The following ATP9A variants were observed in gnomAD, a reference collection of about 807,000 sequenced individuals.
The protein encoded by ATP9A is ATPase phospholipid transporting 9A, also known as probable phospholipid-transporting ATPase IIA.
In ATP9A, 52 loss-of-function variants were observed where a neutral mutation model predicts 144.1. That is an observed-to-expected ratio of 0.36 (90% CI 0.29 to 0.45). ATP9A has a LOEUF of 0.45. Among genes scored for constraint, ATP9A ranks in the 20% least tolerant of loss-of-function variants. The pLI is 1.00. For missense variants in ATP9A, 947 were observed against 1,392.7 expected, an observed-to-expected ratio of 0.68 and a Z score of 5.09; for synonymous variants, 582 against 557.4, an observed-to-expected ratio of 1.04 and a Z score of -0.62.
chr20:51,715,094 AC>A (rs993859353), intron 3 of ATP9A, among the ~76,000 whole-genome samples: 2 of 152,198 alleles, frequency 1.3e-5, no homozygotes, highest in Non-Finnish European at 2.9e-5. Flanking sequence ...AGTCAGCATA[AC>A]CACCCAAGGG....
intron 1 of ATP9A, among the ~76,000 whole-genome samples, chr20:51,740,845 G>C (rs2077781884): frequency 6.6e-6 from 1 of 151,822 alleles, no homozygotes; most frequent in African/African-American, 2.4e-5. Flanking sequence ...AAAGTGCTGG[G>C]ATTACAGATG....
intron 1 of ATP9A, among the ~76,000 whole-genome samples, chr20:51,736,492 ATTTT>A (rs60253299): frequency 7.0e-6 from 1 of 143,572 alleles, no homozygotes; most frequent in Non-Finnish European, 1.5e-5. Flanking sequence ...AGTTACTCTT[ATTTT>A]TTTTTTTGTC....
intron 13 of ATP9A, among the ~76,000 whole-genome samples, chr20:51,663,126 G>A (rs113114688): frequency 0.035 from 5,296 of 152,090 alleles, 116 homozygotes; most frequent in Non-Finnish European, 0.053. Flanking sequence ...AAAGAATGCC[G>A]TACAGCCCAG....
At chr20:51,680,127 G>A (rs939493352) in intron 9 of ATP9A, among the ~76,000 whole-genome samples, 4 of 151,666 alleles carry the variant, frequency 2.6e-5, no homozygotes, top group Non-Finnish European at 5.9e-5. Flanking sequence ...CTACTGGGGA[G>A]GCCGACGCAG....
At chr20:51,686,623 AT>A (rs2077524291) in intron 9 of ATP9A, among the ~76,000 whole-genome samples, 1 of 152,218 alleles carries the variant, frequency 6.6e-6, no homozygotes, top group Non-Finnish European at 1.5e-5. Context: ...ATTCAACTAT[AT>A]TTGCAATTAA....
chr20:51,752,232 G>C (rs541184679), intron 1 of ATP9A, among the ~76,000 whole-genome samples: 1 of 152,208 alleles, frequency 6.6e-6, no homozygotes, highest in East Asian at 1.9e-4. Context: ...CTAAGCCTCC[G>C]TTTCCTGGAA....
intron 13 of ATP9A, among the ~76,000 whole-genome samples, chr20:51,659,382 A>T (rs2077402178): frequency 6.6e-6 from 1 of 152,254 alleles, no homozygotes; most frequent in South Asian, 2.1e-4. Flanking sequence ...AGTGTCTGGT[A>T]TGTAACAGAT....
chr20:51,667,437 G>A (rs1262843413), intron 13 of ATP9A, among the ~76,000 whole-genome samples: 1 of 152,188 alleles, frequency 6.6e-6, no homozygotes, highest in Non-Finnish European at 1.5e-5. Flanking sequence ...TGATATGCAT[G>A]ACAATCCAAT....
chr20:51,604,993 A>G lies in ATP9A; in HGVS notation c.2831T>C (p.Leu944Pro), dbSNP rs2122704898. ...QGSTIMYGAL[L>P]LFESEFVHIV... Reference sequence around the variant, plus strand: ...GTGCACGAACTCCGACTCAAACAGCAGCAGCGCCCCGTACATGATGGTGCT... The same window carrying G: ...GTGCACGAACTCCGACTCAAACAGCGGCAGCGCCCCGTACATGATGGTGCT... The change falls in exon 27 of 28, where the codon CTG (leucine) becomes CCG (proline). Residue 944 changes from leucine (L) to proline (P), a missense_variant. By Grantham distance (98) the Leu-to-Pro change is moderately conservative (BLOSUM62 -3). Transcript: ENST00000338821. 1 of 1,612,274 alleles carries G rather than the reference A, an allele frequency of 6.2e-7. No individual in the cohort carries two copies. Among genetic ancestry groups the G allele is most frequent in the Non-Finnish European group, 8.5e-7 (1 of 1,179,216 alleles).
chr20:51,698,539 G>C (rs1166608685), intron 4 of ATP9A, among the ~76,000 whole-genome samples: 1 of 152,156 alleles, frequency 6.6e-6, no homozygotes, highest in African/African-American at 2.4e-5. Flanking sequence ...AGCATTTACT[G>C]AACGCCTGCT....
chr20:51,617,225 G>A (rs553831649), intron 22 of ATP9A, among the ~76,000 whole-genome samples: 32 of 152,166 alleles, frequency 2.1e-4, no homozygotes, highest in Middle Eastern at 3.4e-3. Flanking sequence ...GATTACAGGC[G>A]TGAGCCACCA....
intron 2 of ATP9A, among the ~76,000 whole-genome samples, chr20:51,727,558 C>T (rs1345266446): frequency 6.6e-6 from 1 of 151,922 alleles, no homozygotes; most frequent in African/African-American, 2.4e-5. Context: ...TGCACTCTCG[C>T]CTGGGTGACA....
At chr20:51,671,599 T>C (rs2077456136) in intron 11 of ATP9A, among the ~76,000 whole-genome samples, 1 of 152,148 alleles carries the variant, frequency 6.6e-6, no homozygotes, top group African/African-American at 2.4e-5. Flanking sequence ...TGGTAAAATA[T>C]ACATAACAGG....
chr20:51,649,152 A>C (rs182656862), intron 14 of ATP9A, among the ~76,000 whole-genome samples: 142 of 152,242 alleles, frequency 9.3e-4, no homozygotes, highest in African/African-American at 2.0e-3. Context: ...CAAACAGGGC[A>C]CCCTGTTTGG....
intron 14 of ATP9A, among the ~76,000 whole-genome samples, chr20:51,640,993 C>T (rs1000128085): frequency 6.6e-5 from 10 of 152,038 alleles, no homozygotes; most frequent in African/African-American, 2.4e-4. Context: ...GGGAGGTTGA[C>T]GCAGGAGGAT....
intron 14 of ATP9A, among the ~76,000 whole-genome samples, chr20:51,645,364 A>G (rs368123382): frequency 6.6e-6 from 1 of 152,302 alleles, no homozygotes; most frequent in African/African-American, 2.4e-5. Context: ...TACTAAAGAT[A>G]CAAAAATTAG....
intron 11 of ATP9A, 25 bp from the exon 12 acceptor site, chr20:51,671,282 G>T: frequency 6.2e-7 from 1 of 1,608,166 alleles, no homozygotes; most frequent in Non-Finnish European, 8.5e-7. Flanking sequence ...AGAGCAAACA[G>T]GCTAACAGGA....
At chr20:51,736,195 G>A (rs1237811914) in intron 1 of ATP9A, among the ~76,000 whole-genome samples, 1 of 152,216 alleles carries the variant, frequency 6.6e-6, no homozygotes, top group Admixed American at 6.5e-5. Context: ...GCAAAGACTG[G>A]CTGCAGCAGA....
chr20:51,692,097 G>C (rs554663153), intron 7 of ATP9A, among the ~76,000 whole-genome samples: 2 of 152,306 alleles, frequency 1.3e-5, no homozygotes, highest in South Asian at 4.1e-4. Context: ...TGGGCCAAGG[G>C]GGGAATGTAG....
Sources: gnomAD v4.1 joint callset for allele counts (sites outside exome capture counted in the v4.1 genomes callset) on GRCh38, gnomAD v4.1.1 for gene constraint, MANE v1.5 for transcripts, NCBI Gene and HGNC (gene_info 2026-07-23, HGNC 2026-07-21) for gene names.